RBFOX1: variants seen among roughly 807,000 people sequenced by gnomAD.
The protein encoded by RBFOX1 is RNA binding protein fox-1 homolog 1.
RBFOX1 carries 8 observed loss-of-function variants against 57.7 expected under a neutral mutation model. That is an observed-to-expected ratio of 0.14 (90% CI 0.08 to 0.25). The LOEUF is 0.25. Among genes scored for constraint, RBFOX1 ranks in the 10% least tolerant of loss-of-function variants. RBFOX1 has a pLI of 1.00. For missense variants in RBFOX1, 611 were observed against 548.5 expected, an observed-to-expected ratio of 1.11 and a Z score of -1.14; for synonymous variants, 326 against 222.4, an observed-to-expected ratio of 1.47 and a Z score of -4.15.
At chr16:6,142,522 A>G (rs1164661253) in intron 1 of RBFOX1, among the ~76,000 whole-genome samples, 1 of 152,086 alleles carries the variant, frequency 6.6e-6, no homozygotes, top group Non-Finnish European at 1.5e-5. Context: ...TGCCTGGCCA[A>G]AAAAATCCAA....
intron 4 of RBFOX1, among the ~76,000 whole-genome samples, chr16:7,262,892 G>A (rs2094974006): frequency 6.6e-6 from 1 of 152,224 alleles, no homozygotes; most frequent in Admixed American, 6.5e-5. Flanking sequence ...GTTCTTATTT[G>A]AAAGCCACAG....
rs2092814521 is a variant in RBFOX1, at chr16:7,222,647, AG to A, written c.27+170550del. Among the ~76,000 whole-genome samples the A allele has an allele frequency of 3.9e-5, 6 of 152,342 alleles. 1 individual carries two copies. In the South Asian group the frequency reaches 1.2e-3, roughly 32 times the overall value. On this transcript the variant is annotated intron_variant, in intron 4 of 15. Transcript: ENST00000550418. ...ATCTGTGTGCATTTACAAGTTTGTT[AG>A]CCCCCTTACCTCTTTGTTCCTTATA...
At chr16:5,929,436 C>T (rs2059002404) in intron 4 of RBFOX1, among the ~76,000 whole-genome samples, 1 of 152,080 alleles carries the variant, frequency 6.6e-6, no homozygotes, top group African/African-American at 2.4e-5. Flanking sequence ...TGACGTTGAG[C>T]AATCATCAAA....
At chr16:7,028,996 C>G (rs1341868545) in intron 3 of RBFOX1, among the ~76,000 whole-genome samples, 2 of 137,342 alleles carry the variant, frequency 1.5e-5, no homozygotes, top group Non-Finnish European at 3.1e-5. Context: ...TCCAGATGAA[C>G]TTAACTAACG....
At chr16:6,290,358 T>G (rs1459052398) in intron 1 of RBFOX1, among the ~76,000 whole-genome samples, 1 of 150,920 alleles carries the variant, frequency 6.6e-6, no homozygotes, top group African/African-American at 2.4e-5. Flanking sequence ...CATTTAGAAA[T>G]TTGTAAAATT....
chr16:6,915,567 T>G (rs1346804478), intron 3 of RBFOX1, among the ~76,000 whole-genome samples: 1 of 108,254 alleles, frequency 9.2e-6, no homozygotes, highest in Non-Finnish European at 2.0e-5. Flanking sequence ...TTTTTTTTTT[T>G]TGACACAGTG....
At chr16:6,807,986 T>C (rs2087327444) in intron 3 of RBFOX1, among the ~76,000 whole-genome samples, 1 of 150,436 alleles carries the variant, frequency 6.6e-6, no homozygotes, top group Non-Finnish European at 1.5e-5. Context: ...GTACCCTGTA[T>C]ATATATATGC....
At chr16:6,909,986 C>G (rs1014692218) in intron 3 of RBFOX1, among the ~76,000 whole-genome samples, 3 of 152,028 alleles carry the variant, frequency 2.0e-5, no homozygotes, top group Non-Finnish European at 4.4e-5. Context: ...AGGCAGATCT[C>G]TCTTGAAAGG....
intron 4 of RBFOX1, among the ~76,000 whole-genome samples, chr16:7,515,444 G>A (rs565527953): frequency 7.5e-4 from 113 of 151,350 alleles, no homozygotes; most frequent in Non-Finnish European, 1.4e-3. Flanking sequence ...GTGCTAAGAG[G>A]ATAGATCTTA....
chr16:6,685,234 A>G (rs2059245618), intron 3 of RBFOX1, among the ~76,000 whole-genome samples: 3 of 150,692 alleles, frequency 2.0e-5, no homozygotes, highest in Admixed American at 6.6e-5. Flanking sequence ...CTGGCAATAA[A>G]TGACTTCACG....
intron 2 of RBFOX1, among the ~76,000 whole-genome samples, chr16:6,611,569 C>G (rs1004007686): frequency 6.6e-6 from 1 of 152,188 alleles, no homozygotes; most frequent in African/African-American, 2.4e-5. Flanking sequence ...ACATGAGACT[C>G]CACAGTGAGC....
Position 6,027,164 on chromosome 16 carries a change from T to A in RBFOX1, c.-127+7172T>A, listed in dbSNP as rs554299111. On this transcript the variant is annotated intron_variant, in intron 1 of 15. Coordinates refer to ENST00000550418, the MANE Select transcript of RBFOX1 (RefSeq NM_018723.4). ...CAAAATTGTCTTCTTTGTACCATGG[T>A]TGGGACCCTAATAGCTATGACACTC... Among the ~76,000 whole-genome samples, 291 of 152,308 alleles carry A rather than the reference T, an allele frequency of 1.9e-3. 3 individuals carry two copies. The highest frequency in any genetic ancestry group is 6.7e-3 in the African/African-American group (280 of 41,570).
At chr16:6,159,822 T>A (rs1049157960) in intron 1 of RBFOX1, among the ~76,000 whole-genome samples, 1 of 152,218 alleles carries the variant, frequency 6.6e-6, no homozygotes, top group African/African-American at 2.4e-5. Flanking sequence ...GAAGTGGGCA[T>A]GCAAAGTAAC....
rs1600442600 is a variant in RBFOX1 at position 6,578,782 on chromosome 16, T to G, written c.-63-75821T>G. 2.0e-5 allele frequency among the ~76,000 whole-genome samples: 3 copies of G among 152,250 alleles called. No homozygotes were observed. The East Asian group carries it at 5.8e-4, about 29-fold the overall frequency. ...TCAAAGTAAAATAGATAAAAATGTA[T>G]TTATTAAATATAATATAGATTTTTT... On this transcript the variant is annotated intron_variant, in intron 2 of 15. Coordinates refer to ENST00000550418, the MANE Select transcript of RBFOX1 (RefSeq NM_018723.4).
At chr16:5,646,061 G>A (rs1346957766) in intron 3 of RBFOX1, among the ~76,000 whole-genome samples, 2 of 151,094 alleles carry the variant, frequency 1.3e-5, no homozygotes, top group Non-Finnish European at 2.9e-5. Context: ...ACGGAGTCTC[G>A]CTGTGTTGCC....
intron 2 of RBFOX1, among the ~76,000 whole-genome samples, chr16:6,521,840 C>G (rs567219291): frequency 6.6e-6 from 1 of 152,172 alleles, no homozygotes; most frequent in Non-Finnish European, 1.5e-5. Flanking sequence ...AAATGGAAGG[C>G]TTAGAGTTAG....
chr16:6,656,433 A>C (rs951159226), intron 3 of RBFOX1, among the ~76,000 whole-genome samples: 3 of 152,178 alleles, frequency 2.0e-5, no homozygotes, highest in Non-Finnish European at 4.4e-5. Flanking sequence ...AAGGAGAGTC[A>C]CCCAAGCTCC....
upstream of RBFOX1, among the ~76,000 whole-genome samples, chr16:6,017,850 C>G (rs1025483607): frequency 6.6e-6 from 1 of 152,028 alleles, no homozygotes; most frequent in Non-Finnish European, 1.5e-5. Flanking sequence ...ATCACATGGC[C>G]CCCTGTTTTG....
intron 1 of RBFOX1, among the ~76,000 whole-genome samples, chr16:6,223,100 T>C (rs1201635388): frequency 6.8e-6 from 1 of 148,106 alleles, no homozygotes; most frequent in East Asian, 2.0e-4. Flanking sequence ...CAGTCTATCA[T>C]TGTTGTACAT....
Sources: allele counts gnomAD v4.1 joint callset (sites outside exome capture counted in the v4.1 genomes callset), GRCh38; gene constraint gnomAD v4.1.1; transcripts MANE v1.5; gene names NCBI Gene and HGNC (gene_info 2026-07-23, HGNC 2026-07-21).